Variants in TMEM51 observed in about 807,000 individuals in gnomAD.
TMEM51 encodes the protein chromosome 1 open reading frame 72.
A neutral mutation model predicts 13.6 loss-of-function variants in TMEM51; 8 were observed. The ratio of observed to expected loss-of-function variants is 0.59; its 90% confidence interval spans 0.35 to 1.07. The LOEUF (loss-of-function observed/expected upper bound fraction) is 1.07. TMEM51 is among the 50% of genes least tolerant of loss of function. The pLI is 0.02. For synonymous variants in TMEM51, 147 were observed against 144.4 expected (o/e 1.02, Z -0.13); for missense variants, 279 against 330.7 (o/e 0.84, Z 1.21).
intron 1 of TMEM51, among the ~76,000 whole-genome samples, chr1:15,174,694 T>C (rs1260610456): frequency 1.3e-5 from 2 of 152,158 alleles, no homozygotes; most frequent in African/African-American, 4.8e-5. Flanking sequence ...CAATAGAAAT[T>C]TATTTTCTTG....
chr1:15,178,632 G>A (rs958546124), intron 1 of TMEM51, among the ~76,000 whole-genome samples: 3 of 152,074 alleles, frequency 2.0e-5, no homozygotes, highest in African/African-American at 4.8e-5. Context: ...CTCCAGTATC[G>A]TGAGTTAGTA....
upstream of TMEM51, among the ~76,000 whole-genome samples, chr1:15,153,567 G>T (rs955963164): frequency 1.3e-5 from 2 of 152,012 alleles, no homozygotes; most frequent in African/African-American, 4.8e-5. Context: ...AGCGGCATAC[G>T]CTGGGGAGTG....
At chr1:15,157,502 T>A (rs999795579) in intron 1 of TMEM51, among the ~76,000 whole-genome samples, 4 of 152,176 alleles carry the variant, frequency 2.6e-5, no homozygotes, top group African/African-American at 9.7e-5. Context: ...TTCCAGAGTT[T>A]GTCTTGAATG....
chr1:15,190,883 G>A (rs1257223917), intron 1 of TMEM51, among the ~76,000 whole-genome samples: 3 of 152,130 alleles, frequency 2.0e-5, no homozygotes, highest in Non-Finnish European at 2.9e-5. Context: ...CACCTCCCGG[G>A]TTCAAGCAAT....
intron 1 of TMEM51, among the ~76,000 whole-genome samples, chr1:15,181,467 A>G (rs12039985): frequency 0.43 from 66,010 of 152,022 alleles, 15,263 homozygotes; most frequent in East Asian, 0.87. Context: ...TAAGCGCTCA[A>G]ATTAAACCGT....
At chr1:15,208,936 A>G (rs1166309457) in intron 1 of TMEM51, among the ~76,000 whole-genome samples, 1 of 152,160 alleles carries the variant, frequency 6.6e-6, no homozygotes, top group African/African-American at 2.4e-5. Flanking sequence ...CAGTCATTCA[A>G]AAGAGTATAT....
chr1:15,168,521 A>T, intron 1 of TMEM51: 2 of 1,304,744 alleles, frequency 1.5e-6, no homozygotes, highest in Non-Finnish European at 2.0e-6. Context: ...TTATGATTGG[A>T]AGCTGGTAGA....
intron 2 of TMEM51, among the ~76,000 whole-genome samples, chr1:15,213,270 T>A (rs1644370757): frequency 6.6e-6 from 1 of 152,230 alleles, no homozygotes; most frequent in African/African-American, 2.4e-5. Flanking sequence ...GACTTAAAGC[T>A]GATAAAGGAT....
intron 1 of TMEM51, among the ~76,000 whole-genome samples, chr1:15,177,844 G>A (rs925711590): frequency 2.0e-5 from 3 of 152,172 alleles, no homozygotes; most frequent in African/African-American, 7.2e-5. Flanking sequence ...AAGAGGAAGC[G>A]AGATAAGCCC....
At chr1:15,163,638 T>TTTTTTTTTTTTTGAGACA (rs1553197690) in intron 1 of TMEM51, among the ~76,000 whole-genome samples, 1 of 151,296 alleles carries the variant, frequency 6.6e-6, no homozygotes. Context: ...TGTTATTTTT[T>TTTTTTTTTTTTTGAGACA]GTAATAATAG....
chr1:15,161,102 G>T lies in TMEM51; in HGVS notation c.-267+7148G>T, dbSNP rs979861520. Reference sequence around the variant, plus strand: ...CAACTGCCTGTGCAAAGGCCTCAAGGTGTAAAAGAGCTTCGTTAACACAGG... The same window carrying T: ...CAACTGCCTGTGCAAAGGCCTCAAGTTGTAAAAGAGCTTCGTTAACACAGG... On this transcript the variant is annotated intron_variant, in intron 1 of 3. Coordinates refer to ENST00000376008, the MANE Select transcript of TMEM51 (RefSeq NM_001136218.2). The surrounding 1 kb of genome is among the most constrained non-coding windows in gnomAD (Gnocchi z 4.0). 6.6e-6 allele frequency among the ~76,000 whole-genome samples: 1 copy of T among 152,108 alleles called. No individual in the cohort carries two copies. The highest frequency in any genetic ancestry group is 2.4e-5 in the African/African-American group (1 of 41,336).
chr1:15,159,430 T>C (rs905326064), intron 1 of TMEM51, among the ~76,000 whole-genome samples: 2 of 152,234 alleles, frequency 1.3e-5, no homozygotes, highest in Admixed American at 1.3e-4. Context: ...TTCATGTTTA[T>C]CCTAAAGCCT....
At position 15,219,575 on chromosome 1, in the gene TMEM51, G is replaced by A. The variant is rs762546819; in HGVS notation, c.594G>A (p.Leu198=). Residue 198 remains leucine, a synonymous_variant, in exon 4 of 4, where the codon CTG becomes CTA. Transcript: ENST00000376008. The part of the protein sequence containing the change: ...DRQNSKLAKR[L]KPLKVRRIKS... Reference sequence around the variant, plus strand: ...AGAACTCTAAGTTGGCCAAACGACTGAAACCGCTGAAAGTTCGAAGGATTA... The same window carrying A: ...AGAACTCTAAGTTGGCCAAACGACTAAAACCGCTGAAAGTTCGAAGGATTA... The A allele has an allele frequency of 2.5e-6, 4 of 1,613,954 alleles. No individual in the cohort carries two copies. The highest frequency in any genetic ancestry group is 2.5e-6 in the Non-Finnish European group (3 of 1,180,026).
At chr1:15,195,831 C>T (rs756539153) in intron 1 of TMEM51, among the ~76,000 whole-genome samples, 15 of 152,172 alleles carry the variant, frequency 9.9e-5, no homozygotes, top group Non-Finnish European at 7.3e-5. Flanking sequence ...CGACTGCCCT[C>T]GGCCTTGACC....
chr1:15,176,636 A>C (rs941585770), intron 1 of TMEM51, among the ~76,000 whole-genome samples: 19 of 152,320 alleles, frequency 1.2e-4, no homozygotes, highest in Admixed American at 9.8e-4. Flanking sequence ...TTCCCCTGAG[A>C]GAGAACATGT....
rs113825391 is a variant in TMEM51 at position 15,159,449 on chromosome 1, C to T, written c.-267+5495C>T. Among the ~76,000 whole-genome samples the T allele has an allele frequency of 3.8e-3, 586 of 152,340 alleles. 5 individuals are homozygous for T. The highest frequency in any genetic ancestry group is 0.013 in the African/African-American group (557 of 41,582). On this transcript the variant is annotated intron_variant, in intron 1 of 3. Coordinates refer to ENST00000376008, the MANE Select transcript of TMEM51 (RefSeq NM_001136218.2). The stretch of plus-strand genomic sequence containing the variant: ...TGTTTATCCTAAAGCCTGTCGCTCT[C>T]GTGCCAACAACCCAATTTATATTGC...
chr1:15,200,377 C>T (rs1440324440), intron 1 of TMEM51, among the ~76,000 whole-genome samples: 2 of 132,766 alleles, frequency 1.5e-5, no homozygotes, highest in African/African-American at 5.7e-5. Context: ...CACTGTACTC[C>T]AGCCTGGGCA....
At chr1:15,186,193 G>T (rs901055811) in intron 1 of TMEM51, among the ~76,000 whole-genome samples, 3 of 152,242 alleles carry the variant, frequency 2.0e-5, no homozygotes, top group African/African-American at 7.2e-5. Context: ...GGTAAATGGC[G>T]TGAAGGAGTC....
At chr1:15,179,695 A>G (rs1013604780) in intron 1 of TMEM51, among the ~76,000 whole-genome samples, 4 of 152,190 alleles carry the variant, frequency 2.6e-5, no homozygotes. Flanking sequence ...AACGGGAAGG[A>G]TGGCTTGAGC....
Sources: allele counts gnomAD v4.1 joint callset (sites outside exome capture counted in the v4.1 genomes callset), GRCh38; gene constraint gnomAD v4.1.1; non-coding constraint Gnocchi (gnomAD v3.1); transcripts MANE v1.5; gene names NCBI Gene and HGNC (gene_info 2026-07-23, HGNC 2026-07-21).